The following CSMD3 variants were observed in gnomAD, a reference collection of about 807,000 sequenced individuals.
CSMD3 encodes CUB and sushi domain-containing protein 3.
CSMD3 carries 177 observed loss-of-function variants against 435.2 expected under a neutral mutation model. That is an observed-to-expected ratio of 0.41 (90% confidence interval 0.36 to 0.46). The LOEUF (loss-of-function observed/expected upper bound fraction) is 0.46. Among genes scored for constraint, CSMD3 ranks in the 20% least tolerant of loss-of-function variants. The pLI, the probability that CSMD3 is intolerant of heterozygous loss-of-function variation, is 0.34. For synonymous variants in CSMD3, 1,656 were observed against 1,520.5 expected (o/e 1.09, Z -2.07); for missense variants, 4,265 against 4,504.6 (o/e 0.95, Z 1.52).
At chr8:113,290,935 T>A (rs1261672938) in intron 2 of CSMD3, among the ~76,000 whole-genome samples, 1 of 151,332 alleles carries the variant, frequency 6.6e-6, no homozygotes, top group Non-Finnish European at 1.5e-5. Context: ...ATATGAAGTA[T>A]TTTTTTAAAT....
chr8:112,293,457 G>A (rs548993785), intron 54 of CSMD3, among the ~76,000 whole-genome samples: 1 of 152,148 alleles, frequency 6.6e-6, no homozygotes, highest in East Asian at 1.9e-4. Context: ...ATAAGCAAAT[G>A]TGTGCTTGTG....
chr8:112,426,420 T>C (rs932997320), intron 32 of CSMD3, among the ~76,000 whole-genome samples: 4 of 152,030 alleles, frequency 2.6e-5, no homozygotes, highest in African/African-American at 7.2e-5. Flanking sequence ...AACTGAATTA[T>C]TCCATTTGGT....
chr8:113,296,542 CA>C (rs2093723395), intron 2 of CSMD3, among the ~76,000 whole-genome samples: 1 of 151,850 alleles, frequency 6.6e-6, no homozygotes, highest in African/African-American at 2.4e-5. Context: ...CCCAACCAAA[CA>C]AACAAACAAA....
chr8:112,739,856 T>C (rs2077264859), intron 13 of CSMD3, among the ~76,000 whole-genome samples: 1 of 151,870 alleles, frequency 6.6e-6, no homozygotes, highest in South Asian at 2.1e-4. Context: ...TAAAATAAGT[T>C]TTGTATTATG....
chr8:112,343,161 T>G (rs1247382521), intron 41 of CSMD3, among the ~76,000 whole-genome samples: 1 of 151,250 alleles, frequency 6.6e-6, no homozygotes, highest in Non-Finnish European at 1.5e-5. Context: ...TATATTCAAG[T>G]TTTAATAAAG....
intron 38 of CSMD3, among the ~76,000 whole-genome samples, chr8:112,369,492 G>GA (rs1828111675): frequency 6.6e-6 from 1 of 152,108 alleles, no homozygotes; most frequent in Admixed American, 6.6e-5. Context: ...ACTGGATAAA[G>GA]AAAATGTAAC....
At chr8:112,988,412 T>G (rs951828600) in intron 6 of CSMD3, among the ~76,000 whole-genome samples, 1 of 152,082 alleles carries the variant, frequency 6.6e-6, no homozygotes, top group African/African-American at 2.4e-5. Flanking sequence ...ATAATTTAGT[T>G]TAAGGGTGAA....
intron 13 of CSMD3, among the ~76,000 whole-genome samples, chr8:112,790,004 A>T (rs1227040037): frequency 6.6e-6 from 1 of 151,968 alleles, no homozygotes; most frequent in African/African-American, 2.4e-5. Flanking sequence ...TTAAGAATCA[A>T]CTTTTAATAG....
At chr8:113,383,897 G>T (rs1366962463) in intron 1 of CSMD3, among the ~76,000 whole-genome samples, 2 of 152,084 alleles carry the variant, frequency 1.3e-5, no homozygotes, top group African/African-American at 4.8e-5. Context: ...TTCTCACTTG[G>T]TCCCTCTGAT....
At chr8:112,875,128 C>G (rs1019828311) in intron 10 of CSMD3, among the ~76,000 whole-genome samples, 1 of 152,134 alleles carries the variant, frequency 6.6e-6, no homozygotes, top group Non-Finnish European at 1.5e-5. Context: ...GACAAAATCT[C>G]TCAGAATTTC....
intron 13 of CSMD3, 27 bp from the exon 14 acceptor site, chr8:112,690,077 C>CT (rs1351812630): frequency 1.2e-5 from 19 of 1,589,202 alleles, no homozygotes; most frequent in Admixed American, 1.7e-5. Context: ...TAAAAGTCAC[C>CT]TTCCAAGGGT....
At chr8:113,421,437 T>C (rs1338965371) in intron 1 of CSMD3, among the ~76,000 whole-genome samples, 1 of 152,190 alleles carries the variant, frequency 6.6e-6, no homozygotes, top group African/African-American at 2.4e-5. Context: ...AAACAATAGA[T>C]AGGGCACAGA....
chr8:113,362,863 A>G (rs916547557), intron 1 of CSMD3, among the ~76,000 whole-genome samples: 1 of 152,202 alleles, frequency 6.6e-6, no homozygotes, highest in African/African-American at 2.4e-5. Flanking sequence ...CCTGCCTGAC[A>G]AAAATGGTAA....
intron 1 of CSMD3, among the ~76,000 whole-genome samples, chr8:113,326,921 A>G (rs892039902): frequency 6.6e-6 from 1 of 152,072 alleles, no homozygotes; most frequent in African/African-American, 2.4e-5. Context: ...AGATGGCATT[A>G]ACGGTAGAAA....
chr8:112,866,435 T>C (rs540023621), intron 10 of CSMD3, among the ~76,000 whole-genome samples: 1 of 152,282 alleles, frequency 6.6e-6, no homozygotes, highest in East Asian at 1.9e-4. Context: ...AGCCTGAAAG[T>C]TATATTCTTG....
At chr8:112,360,283 A>G (rs1034956033) in intron 38 of CSMD3, among the ~76,000 whole-genome samples, 1 of 151,950 alleles carries the variant, frequency 6.6e-6, no homozygotes, top group African/African-American at 2.4e-5. Flanking sequence ...CATATATATA[A>G]AAAACTATCA....
At chr8:112,712,368 C>T (rs531632988) in intron 13 of CSMD3, among the ~76,000 whole-genome samples, 31 of 152,254 alleles carry the variant, frequency 2.0e-4, no homozygotes, top group African/African-American at 7.2e-4. Flanking sequence ...AATTTAGTTT[C>T]TATTAAACAG....
chr8:112,282,071 C>A (rs989792929), intron 58 of CSMD3, among the ~76,000 whole-genome samples: 5 of 151,966 alleles, frequency 3.3e-5, no homozygotes, highest in African/African-American at 9.7e-5. Flanking sequence ...ATATATCAAA[C>A]GTAATACTTA....
intron 13 of CSMD3, among the ~76,000 whole-genome samples, chr8:112,734,903 C>T (rs1280266582): frequency 1.3e-5 from 2 of 151,876 alleles, no homozygotes; most frequent in Non-Finnish European, 2.9e-5. Context: ...TTTTTCTGTA[C>T]TTTTTACAGC....
Sources: allele counts gnomAD v4.1 joint callset (sites outside exome capture counted in the v4.1 genomes callset), GRCh38; gene constraint gnomAD v4.1.1; transcripts MANE v1.5; gene names NCBI Gene and HGNC (gene_info 2026-07-23, HGNC 2026-07-21).